The following MDGA2 variants were observed in gnomAD, a reference collection of about 807,000 sequenced individuals.
MDGA2 encodes the protein MAM domain-containing glycosylphosphatidylinositol anchor protein 2.
MDGA2 carries 40 observed loss-of-function variants against 117.8 expected under a neutral mutation model. The observed-to-expected ratio is 0.34, with a 90% CI of 0.26 to 0.44. The LOEUF is 0.44. Among genes scored for constraint, MDGA2 ranks in the 20% least tolerant of loss-of-function variants. The pLI, the probability that MDGA2 is intolerant of heterozygous loss-of-function variation, is 1.00. For missense variants in MDGA2, 1,123 were observed against 1,250.6 expected (o/e 0.90, Z 1.54); for synonymous variants, 452 against 439.0 (o/e 1.03, Z -0.37).
chr14:47,148,202 G>T (rs950584499), intron 3 of MDGA2, among the ~76,000 whole-genome samples: 6 of 152,130 alleles, frequency 3.9e-5, no homozygotes, highest in Non-Finnish European at 8.8e-5. Flanking sequence ...TGGGACTCTT[G>T]CTATGTCACT....
chr14:47,384,292 C>T (rs1471374234), intron 1 of MDGA2, among the ~76,000 whole-genome samples: 1 of 149,788 alleles, frequency 6.7e-6, no homozygotes, highest in African/African-American at 2.5e-5. Flanking sequence ...TGCTGCTGAG[C>T]CACATGAGGG....
chr14:47,087,460 CAAA>C (rs749371957), intron 6 of MDGA2, among the ~76,000 whole-genome samples: 195 of 67,968 alleles, frequency 2.9e-3, no homozygotes, highest in African/African-American at 0.01. Context: ...GACTCCACAT[CAAA>C]AAAAAAAAAA....
At chr14:47,412,560 G>T (rs1484126377) in intron 1 of MDGA2, among the ~76,000 whole-genome samples, 1 of 152,220 alleles carries the variant, frequency 6.6e-6, no homozygotes, top group East Asian at 1.9e-4. Context: ...GGGATTACAG[G>T]CATGAGCTAC....
chr14:46,930,624 A>G (rs1884533142), intron 9 of MDGA2, among the ~76,000 whole-genome samples: 1 of 152,182 alleles, frequency 6.6e-6, no homozygotes, highest in Non-Finnish European at 1.5e-5. Flanking sequence ...ACTTGAAATG[A>G]GAAAGAGTTA....
intron 1 of MDGA2, among the ~76,000 whole-genome samples, chr14:47,471,360 T>TA (rs1893724846): frequency 6.6e-6 from 1 of 152,046 alleles, no homozygotes; most frequent in Non-Finnish European, 1.5e-5. Context: ...TCTTGACATT[T>TA]AAAAAACAGC....
Position 46,858,110 on chromosome 14 carries a change from T to C in MDGA2, c.2753-2956A>G, listed in dbSNP as rs543634207. ...CTTGATATTCTTGTATAGGTCATTA[T>C]GGCTCTGTTTATTTTTCTTCAATAT... is the stretch of plus-strand genomic sequence containing the variant. On this transcript the variant is annotated intron_variant, in intron 14 of 16. Coordinates refer to ENST00000399232, the MANE Select transcript of MDGA2 (RefSeq NM_001113498.3). Among the ~76,000 whole-genome samples, 6 of 151,328 alleles carry C rather than the reference T, an allele frequency of 4.0e-5. No individual in the cohort carries two copies. The East Asian group carries it at 1.2e-3, about 29-fold the overall frequency.
Position 46,997,138 on chromosome 14 carries a change from T to C in MDGA2, c.1819+37873A>G, listed in dbSNP as rs139923641. 590 of 180,270 alleles carry C rather than the reference T, an allele frequency of 3.3e-3. 3 individuals carry two copies. Among genetic ancestry groups the C allele is most frequent in the African/African-American group, 0.01 (434 of 42,098 alleles). 11.2% of individuals were successfully genotyped at this position (180,270 alleles called of 1,614,324 possible). On this transcript the variant is annotated intron_variant, in intron 8 of 16. Coordinates refer to ENST00000399232, the MANE Select transcript of MDGA2 (RefSeq NM_001113498.3). ...ATTTTTCTTAGAATACAGGGATACATTTATCCCACTGTGAATGATGATCAT... is the reference window on the plus strand; with the variant it reads ...ATTTTTCTTAGAATACAGGGATACACTTATCCCACTGTGAATGATGATCAT...
intron 7 of MDGA2, 132 bp from the exon 8 acceptor site, chr14:47,035,436 G>A (rs1888811307): frequency 1.5e-6 from 1 of 651,556 alleles, no homozygotes; most frequent in African/African-American, 1.8e-5. Flanking sequence ...AAAAACCTTG[G>A]GAATAAATGG....
chr14:47,182,775 A>G (rs937963547), intron 3 of MDGA2, among the ~76,000 whole-genome samples: 1 of 152,172 alleles, frequency 6.6e-6, no homozygotes, highest in African/African-American at 2.4e-5. Context: ...ATACAGTTTT[A>G]TATTTTCTGC....
At chr14:47,084,594 T>C (rs1003016677) in intron 6 of MDGA2, among the ~76,000 whole-genome samples, 2 of 152,152 alleles carry the variant, frequency 1.3e-5, no homozygotes, top group Admixed American at 1.3e-4. Flanking sequence ...CAACATTTCT[T>C]TTGTTGTAAC....
At chr14:47,123,598 T>G (rs1013485798) in intron 5 of MDGA2, among the ~76,000 whole-genome samples, 1 of 152,034 alleles carries the variant, frequency 6.6e-6, no homozygotes, top group Non-Finnish European at 1.5e-5. Context: ...ATTATCAATT[T>G]CATAAAAAAT....
At chr14:47,433,790 T>C (rs2138532129) in intron 1 of MDGA2, among the ~76,000 whole-genome samples, 2 of 152,248 alleles carry the variant, frequency 1.3e-5, no homozygotes, top group South Asian at 4.1e-4. Flanking sequence ...TTATCTGCTA[T>C]TTAAATATCT....
chr14:47,107,449 A>T (rs1269996229), intron 5 of MDGA2, among the ~76,000 whole-genome samples: 1 of 152,000 alleles, frequency 6.6e-6, no homozygotes, highest in African/African-American at 2.4e-5. Context: ...TGCTTTCTTT[A>T]CTATTCCTTT....
At chr14:47,461,269 A>ATGTGTGTGTCTGTGTG (rs1555324402) in intron 1 of MDGA2, among the ~76,000 whole-genome samples, 2 of 142,838 alleles carry the variant, frequency 1.4e-5, no homozygotes, top group Non-Finnish European at 3.0e-5. Context: ...AAAAAAATGT[A>ATGTGTGTGTCTGTGTG]TGTGTGTGTG....
chr14:46,905,336 T>C lies in MDGA2; in HGVS notation c.2238+14676A>G, dbSNP rs563225199. 1.4e-3 allele frequency among the ~76,000 whole-genome samples: 208 copies of C among 152,300 alleles called. 1 individual carries two copies. Among genetic ancestry groups the C allele is most frequent in the Non-Finnish European group, 2.2e-3 (147 of 68,000 alleles). ...CTGTGACAAAATAAGTACTAACCACTGCAGGAGCACAAATAAAACAATTTC... is the reference window on the plus strand; with the variant it reads ...CTGTGACAAAATAAGTACTAACCACCGCAGGAGCACAAATAAAACAATTTC... On this transcript the variant is annotated intron_variant, in intron 10 of 16. Coordinates refer to ENST00000399232, the MANE Select transcript of MDGA2 (RefSeq NM_001113498.3).
intron 8 of MDGA2, chr14:46,960,551 G>A (rs1489362644): frequency 6.6e-6 from 1 of 152,028 alleles, no homozygotes; most frequent in East Asian, 1.9e-4. Flanking sequence ...CCAAGACTTA[G>A]CCACTCGTAA....
chr14:47,252,935 G>A (rs1247819950), intron 2 of MDGA2, among the ~76,000 whole-genome samples: 13 of 152,108 alleles, frequency 8.5e-5, no homozygotes, highest in East Asian at 3.9e-4. Context: ...GGCAGAAGGC[G>A]AAGCAAACAT....
chr14:47,444,442 T>C, intron 1 of MDGA2: 1 of 194,424 alleles, frequency 5.1e-6, no homozygotes, highest in Non-Finnish European at 1.1e-5. Flanking sequence ...GCCTCTCTTT[T>C]TAGCATTGTT....
At chr14:47,151,808 T>C (rs1415078089) in intron 3 of MDGA2, among the ~76,000 whole-genome samples, 1 of 151,824 alleles carries the variant, frequency 6.6e-6, no homozygotes, top group East Asian at 1.9e-4. Flanking sequence ...TGGTTTCCTA[T>C]AAAATATATT....
Sources: allele counts gnomAD v4.1 joint callset (sites outside exome capture counted in the v4.1 genomes callset), GRCh38; gene constraint gnomAD v4.1.1; transcripts MANE v1.5; gene names NCBI Gene and HGNC (gene_info 2026-07-23, HGNC 2026-07-21).